TRMT61B: variants seen among roughly 807,000 people sequenced by gnomAD.
TRMT61B encodes the protein tRNA (adenine(58)-N(1))-methyltransferase, mitochondrial.
Under a neutral mutation model 52.0 loss-of-function variants are expected in TRMT61B, and 56 were observed. That is an observed-to-expected ratio of 1.08 (90% CI 0.87 to 1.35). The LOEUF is 1.35. Among genes scored for constraint, TRMT61B ranks in the 40% most tolerant of loss-of-function variants. The pLI is 0.00. For synonymous variants in TRMT61B, 206 were observed against 220.0 expected (o/e 0.94, Z 0.56); for missense variants, 650 against 577.9 (o/e 1.12, Z -1.28).
At chr2:28,851,996 A>G (rs1669127535) in intron 4 of TRMT61B, among the ~76,000 whole-genome samples, 1 of 151,366 alleles carries the variant, frequency 6.6e-6, no homozygotes, top group South Asian at 2.1e-4. Context: ...ATAAGATGCC[A>G]TATACACTTT....
chr2:28,850,132 A>C lies in TRMT61B; in HGVS notation c.*67T>G. On this transcript the variant is annotated 3_prime_UTR_variant, in exon 7 of 7. Coordinates refer to ENST00000306108, the MANE Select transcript of TRMT61B (RefSeq NM_017910.4). Reference sequence around the variant, plus strand: ...AAAATGCCAATCTATGGAAGCAGTGATTTTCAATATAAAGTTCTATTTTGA... The same window carrying C: ...AAAATGCCAATCTATGGAAGCAGTGCTTTTCAATATAAAGTTCTATTTTGA... 1 of 1,443,436 alleles carries C rather than the reference A, an allele frequency of 6.9e-7. No individual in the cohort carries two copies. The highest frequency in any genetic ancestry group is 1.2e-5 in the South Asian group (1 of 82,626). The allele number at this position is 1,443,436 out of a possible 1,614,324, so 89.4% of individuals were successfully genotyped here.
intron 3 of TRMT61B, among the ~76,000 whole-genome samples, chr2:28,857,965 G>C (rs1669417239): frequency 6.6e-6 from 1 of 151,912 alleles, no homozygotes; most frequent in South Asian, 2.1e-4. Context: ...GATGTAGCTA[G>C]AGTACATTTA....
chr2:28,860,069 C>T lies in TRMT61B; in HGVS notation c.993+1049G>A, dbSNP rs1363192745. Among the ~76,000 whole-genome samples the T allele has an allele frequency of 3.3e-5, 5 of 151,780 alleles. No homozygotes were observed. In the East Asian group the frequency reaches 5.8e-4, roughly 18 times the overall value. ...GGCAGATCACCTAAGGTTAGGAGTT[C>T]GAGACCAGCCTGGCCAACATGGTGA... On this transcript the variant is annotated intron_variant, in intron 3 of 6. Coordinates refer to ENST00000306108, the MANE Select transcript of TRMT61B (RefSeq NM_017910.4).
chr2:28,867,786 C>G (rs932863163), intron 1 of TRMT61B, among the ~76,000 whole-genome samples: 1 of 152,106 alleles, frequency 6.6e-6, no homozygotes, highest in Non-Finnish European at 1.5e-5. Context: ...TGGCCAGGAG[C>G]GGTCGTTCTC....
chr2:28,861,640 A>G (rs1669601503), intron 2 of TRMT61B: 1 of 204,642 alleles, frequency 4.9e-6, no homozygotes, highest in African/African-American at 2.3e-5. Flanking sequence ...GTGCTTCTAG[A>G]TGTACTGCAT....
intron 2 of TRMT61B, among the ~76,000 whole-genome samples, chr2:28,864,021 AAT>A (rs917545066): frequency 3.3e-5 from 5 of 152,144 alleles, no homozygotes; most frequent in Non-Finnish European, 1.5e-5. Flanking sequence ...AACATGAAAA[AAT>A]ATATATGTTT....
In TRMT61B at chr2:28,855,668, T is replaced by C. The variant is rs558177233; in HGVS notation, c.994-3169A>G. On this transcript the variant is annotated intron_variant, in intron 3 of 6. Coordinates refer to ENST00000306108, the MANE Select transcript of TRMT61B (RefSeq NM_017910.4). ...GGTTTGGACATGTATTTAAGATGCC[T>C]ATTAAACATCCAAGTCAAGGCCAGG... 2.3e-4 allele frequency among the ~76,000 whole-genome samples: 35 copies of C among 152,252 alleles called. No homozygotes were observed. In the East Asian group the frequency reaches 6.4e-3, roughly 28 times the overall value.
In TRMT61B at chr2:28,858,938, G is replaced by T. The variant is rs186757215; in HGVS notation, c.993+2180C>A. 3.4e-4 allele frequency among the ~76,000 whole-genome samples: 52 copies of T among 151,158 alleles called. No individual in the cohort carries two copies. In the East Asian group the frequency reaches 9.1e-3, roughly 26 times the overall value. On this transcript the variant is annotated intron_variant, in intron 3 of 6. Transcript: ENST00000306108. ...AGATAGAGTCTTGCTCTGTCTCCCAGGCTGGAGTGCAGTGGCGCAAATCTT... is the reference window on the plus strand; with the variant it reads ...AGATAGAGTCTTGCTCTGTCTCCCATGCTGGAGTGCAGTGGCGCAAATCTT...
intron 3 of TRMT61B, among the ~76,000 whole-genome samples, chr2:28,853,974 A>T (rs1669234234): frequency 6.6e-6 from 1 of 152,250 alleles, no homozygotes; most frequent in South Asian, 2.1e-4. Context: ...AAAACAAAAA[A>T]TAAATCTGGT....
At chr2:28,861,400 G>GA (rs1669594068) in intron 2 of TRMT61B, 92 bp from the exon 3 acceptor site, 2 of 980,616 alleles carry the variant, frequency 2.0e-6, no homozygotes, top group South Asian at 2.0e-5. Context: ...ACATGTATGT[G>GA]AAAAAAATAA....
chr2:28,860,686 C>T (rs1031693076), intron 3 of TRMT61B, among the ~76,000 whole-genome samples: 1 of 152,206 alleles, frequency 6.6e-6, no homozygotes, highest in Non-Finnish European at 1.5e-5. Context: ...TGAACACACT[C>T]CCCTTGATAT....
chr2:28,851,252 G>A lies in TRMT61B; in HGVS notation c.1132C>T (p.Leu378Phe), dbSNP rs780481672. 6.2e-6 allele frequency: 10 copies of A among 1,613,516 alleles called. No homozygotes were observed. In the South Asian group the frequency reaches 6.6e-5, roughly 11 times the overall value. Residue 378 changes from leucine to phenylalanine, a missense_variant, in exon 5 of 7, where the codon CTT (leucine) becomes TTT (phenylalanine). Physicochemically the swap from Leu to Phe is conservative, Grantham distance 22. Transcript: ENST00000306108. Reference sequence around the variant, plus strand: ...CTTATCTTTTCACATGAAAGAGCAAGTTCACAGGTGCGAATTCCATCTAAA... The same window carrying A: ...CTTATCTTTTCACATGAAAGAGCAAATTCACAGGTGCGAATTCCATCTAAA... The part of the protein sequence containing the change: ...ELLDGIRTCE[L>F]ALSCEKISEV...
In TRMT61B at chr2:28,865,050, A is replaced by C; in HGVS notation, c.769T>G (p.Ser257Ala). 1 of 1,613,076 alleles carries C rather than the reference A, an allele frequency of 6.2e-7. No individual in the cohort carries two copies. The highest frequency in any genetic ancestry group is 8.5e-7 in the Non-Finnish European group (1 of 1,179,130). The change falls in exon 2 of 7, where the codon TCT (serine) becomes GCT (alanine). Residue 257 changes from serine (S) to alanine (A), a missense_variant. Transcript: ENST00000306108. ...GATAAAAATAAGCTCATTCCACCAG[A>C]GCCTGAGCCAGCTTCCAAAACAGTA... Reference protein sequence around the residue: ...GDTVLEAGSGSGGMSLFLSKA... With the variant: ...GDTVLEAGSGAGGMSLFLSKA...
intron 3 of TRMT61B, among the ~76,000 whole-genome samples, chr2:28,858,484 C>A (rs1045813303): frequency 4.0e-5 from 6 of 151,712 alleles, no homozygotes; most frequent in African/African-American, 1.5e-4. Context: ...CAGATCTGGC[C>A]ACCAGAAGTC....
chr2:28,850,095 T>C lies in TRMT61B; in HGVS notation c.*104A>G, dbSNP rs1669007412. ...TTATATGTATAAGTTATATAAGTCA[T>C]AGTAATAGCTAAAAATGCCAATCTA... On this transcript the variant is annotated 3_prime_UTR_variant, in exon 7 of 7. Coordinates refer to ENST00000306108, the MANE Select transcript of TRMT61B (RefSeq NM_017910.4). The C allele has an allele frequency of 1.7e-6, 2 of 1,208,320 alleles. No homozygotes were observed. Among genetic ancestry groups the C allele is most frequent in the African/African-American group, 3.1e-5 (2 of 64,940 alleles). The allele number at this position is 1,208,320 out of a possible 1,614,324, so 74.8% of individuals were successfully genotyped here.
At chr2:28,864,733 AGCCAT>A (rs1669755717) in intron 2 of TRMT61B, among the ~76,000 whole-genome samples, 4 of 152,200 alleles carry the variant, frequency 2.6e-5, no homozygotes, top group African/African-American at 9.6e-5. Flanking sequence ...ACTTTTCTGT[AGCCAT>A]ATTATATTCC....
chr2:28,849,986 C>T lies in TRMT61B; in HGVS notation c.*213G>A. On this transcript the variant is annotated 3_prime_UTR_variant, in exon 7 of 7. Transcript: ENST00000306108. ...TTTGGAATCATTAACTACAAAATGT[C>T]AAACTAACTGCAAGACAAGTGTCAA... 7.0e-7 allele frequency: 1 copy of T among 1,420,544 alleles called. No homozygotes were observed. Among genetic ancestry groups the T allele is most frequent in the Non-Finnish European group, 9.8e-7 (1 of 1,023,288 alleles). The allele number at this position is 1,420,544 out of a possible 1,614,324, so 88.0% of individuals were successfully genotyped here. A position where few individuals can be genotyped will look rare whatever the true frequency, so the allele number is the denominator to read the frequency against.
chr2:28,867,075 A>G (rs544512262), intron 1 of TRMT61B, among the ~76,000 whole-genome samples: 1 of 152,258 alleles, frequency 6.6e-6, no homozygotes, highest in Non-Finnish European at 1.5e-5. Flanking sequence ...CTGAGATTAC[A>G]GGTGTGAGTG....
intron 1 of TRMT61B, among the ~76,000 whole-genome samples, chr2:28,866,024 C>T (rs1669829466): frequency 7.2e-6 from 1 of 139,850 alleles, no homozygotes; most frequent in South Asian, 2.3e-4. Context: ...GAGTCTCGCT[C>T]TGTCACCCAG....
Sources: gnomAD v4.1 joint callset for allele counts (sites outside exome capture counted in the v4.1 genomes callset) on GRCh38, gnomAD v4.1.1 for gene constraint, MANE v1.5 for transcripts, NCBI Gene and HGNC (gene_info 2026-07-23, HGNC 2026-07-21) for gene names.